The following VCAM1 variants were observed in gnomAD, a reference collection of about 807,000 sequenced individuals.
VCAM1 encodes the protein vascular cell adhesion protein 1.
Under a neutral mutation model 63.8 loss-of-function variants are expected in VCAM1, and 41 were observed. That is an observed-to-expected ratio of 0.64 (90% CI 0.50 to 0.83). The LOEUF (loss-of-function observed/expected upper bound fraction) is 0.83. Among genes scored for constraint, VCAM1 ranks in the 40% least tolerant of loss-of-function variants. The probability of loss-of-function intolerance (pLI) is 0.00; values close to 1 mark genes in which losing one functional copy is unlikely to be tolerated. For synonymous variants in VCAM1, 338 were observed against 320.7 expected (o/e 1.05, Z -0.58); for missense variants, 798 against 875.5 (o/e 0.91, Z 1.12).
chr1:100,738,297 T>C lies in VCAM1; in HGVS notation c.*14T>C, dbSNP rs371541037. 61 of 1,611,160 alleles carry C rather than the reference T, an allele frequency of 3.8e-5. No individual in the cohort carries two copies. The highest frequency in any genetic ancestry group is 4.8e-5 in the Non-Finnish European group (57 of 1,178,364). On this transcript the variant is annotated 3_prime_UTR_variant, in exon 9 of 9. Coordinates refer to ENST00000294728, the MANE Select transcript of VCAM1 (RefSeq NM_001078.4). ...TCAAAAGTGTAGCTAATGCTTGATA[T>C]GTTCAACTGGAGACACTATTTATCT...
chr1:100,732,745 T>G, intron 7 of VCAM1, 61 bp downstream of exon 7: 1 of 1,481,128 alleles, frequency 6.8e-7, no homozygotes, highest in South Asian at 1.5e-5. Flanking sequence ...ATGTTACTGA[T>G]TATGAGTAAA....
intron 4 of VCAM1, 112 bp downstream of exon 4, chr1:100,725,002 C>T: frequency 7.4e-7 from 1 of 1,344,092 alleles, no homozygotes; most frequent in Non-Finnish European, 1.0e-6. Context: ...GATGACCTAT[C>T]TGATTGCCAT....
In VCAM1 at chr1:100,723,055, C is replaced by T. The variant is rs766893022; in HGVS notation, c.376C>T (p.Pro126Ser). ...GGATCCAGAGATTCATTTGAGTGGC[C>T]CTCTGGAGGCTGGGAAGCCGATCAC... is the stretch of plus-strand genomic sequence containing the variant. ...PKDPEIHLSG[P>S]LEAGKPITVK... is the part of the protein sequence containing the mutation. The change falls in exon 3 of 9, where the codon CCT (proline) becomes TCT (serine). Residue 126 changes from proline (P) to serine (S), a missense_variant. Transcript: ENST00000294728. 8 of 1,612,136 alleles carry T rather than the reference C, an allele frequency of 5.0e-6. No individual in the cohort carries two copies. Among genetic ancestry groups the T allele is most frequent in the African/African-American group, 1.3e-5 (1 of 74,792 alleles).
chr1:100,720,690 C>T lies in VCAM1; in HGVS notation c.279C>T (p.Tyr93=). The T allele has an allele frequency of 6.2e-7, 1 of 1,613,152 alleles. No individual in the cohort carries two copies. The highest frequency in any genetic ancestry group is 8.5e-7 in the Non-Finnish European group (1 of 1,179,450). Residue 93 remains tyrosine (Y), a synonymous_variant, in exon 2 of 9, where the codon TAC becomes TAT. Coordinates refer to ENST00000294728, the MANE Select transcript of VCAM1 (RefSeq NM_001078.4). ...TTAGTTTTGGGAACGAACACTCTTA[C>T]CTGTGCACAGCAACTTGTGAATCTA... is the stretch of plus-strand genomic sequence containing the variant. The part of the protein sequence containing the change: ...NPVSFGNEHS[Y]LCTATCESRK...
intron 7 of VCAM1, among the ~76,000 whole-genome samples, chr1:100,733,312 T>A (rs1660530307): frequency 6.6e-6 from 1 of 152,128 alleles, no homozygotes; most frequent in African/African-American, 2.4e-5. Context: ...AATCATCAGG[T>A]GATCAATGTG....
rs750227130 is a variant in VCAM1 at position 100,731,260 on chromosome 1, G to A, written c.1267G>A (p.Val423Ile). 1.9e-6 allele frequency: 3 copies of A among 1,613,660 alleles called. No individual in the cohort carries two copies. The South Asian group carries it at 3.3e-5, about 18-fold the overall frequency. ...CCTCGTGAATGGGAGCTCTGTCACT[G>A]TAAGCTGCAAGGTTCCTAGCGTGTA... ...GGLVNGSSVT[V>I]SCKVPSVYPL... Residue 423 changes from valine (V) to isoleucine (I), a missense_variant, in exon 6 of 9, where the codon GTA becomes ATA. Transcript: ENST00000294728. This position sits in a 1 kb window ranked among gnomAD's most constrained non-coding sequence, Gnocchi z 4.2.
rs1659923521 is a variant in VCAM1 at position 100,720,585 on chromosome 1, T to G, written c.174T>G (p.Ser58=). The change falls in exon 2 of 9, where the codon TCT becomes TCG. Residue 58 remains serine (S), a synonymous_variant. Transcript: ENST00000294728. ...CAGGCTGTGAGTCCCCATTTTTCTC[T>G]TGGAGAACCCAGATAGATAGTCCAC... ...STTGCESPFF[S]WRTQIDSPLN... is the part of the protein sequence containing the mutation. The G allele has an allele frequency of 6.2e-7, 1 of 1,613,110 alleles. No homozygotes were observed. The highest frequency in any genetic ancestry group is 1.3e-5 in the African/African-American group (1 of 74,812).
chr1:100,735,871 A>G (rs1660631234), intron 8 of VCAM1: 1 of 152,204 alleles, frequency 6.6e-6, no homozygotes, highest in Non-Finnish European at 1.5e-5. Context: ...ATGTGTTCAA[A>G]GAAGGGAACA....
rs199894722 is a variant in VCAM1 at position 100,729,087 on chromosome 1, G to A, written c.929-20G>A. 2 of 1,497,096 alleles carry A rather than the reference G, an allele frequency of 1.3e-6. No homozygotes were observed. The highest frequency in any genetic ancestry group is 4.6e-5 in the East Asian group (2 of 43,020). 92.7% of individuals were successfully genotyped at this position (1,497,096 alleles called of 1,614,324 possible). ...AAGAATCTTATGTTCTTTTCATCTT[G>A]TTTTCCACCTGTGTCCCAGAGAAAC... On this transcript the variant is annotated intron_variant, in intron 4 of 8. Coordinates refer to ENST00000294728, the MANE Select transcript of VCAM1 (RefSeq NM_001078.4).
chr1:100,737,202 A>T (rs1314238680), intron 8 of VCAM1: 1 of 152,170 alleles, frequency 6.6e-6, no homozygotes, highest in Non-Finnish European at 1.5e-5. Flanking sequence ...ATTAGTGTTT[A>T]AAAAATATTG....
chr1:100,724,261 A>T (rs1660082900), intron 3 of VCAM1, among the ~76,000 whole-genome samples: 1 of 152,046 alleles, frequency 6.6e-6, no homozygotes, highest in South Asian at 2.1e-4. Context: ...CAAAAATCAA[A>T]TTGACTCTTT....
In VCAM1 at chr1:100,719,786, C is replaced by T. The variant is rs1444489339; in HGVS notation, c.-75C>T. On this transcript the variant is annotated 5_prime_UTR_variant, in exon 1 of 9. Coordinates refer to ENST00000294728, the MANE Select transcript of VCAM1 (RefSeq NM_001078.4). ...TCACTGGCTTCAGGAGCTGAATACC[C>T]TCCCAGGCACACACAGGTGGGACAC... The T allele has an allele frequency of 4.0e-6, 6 of 1,509,872 alleles. No homozygotes were observed. In the African/African-American group the frequency reaches 5.5e-5, roughly 14 times the overall value. 93.5% of individuals were successfully genotyped at this position (1,509,872 alleles called of 1,614,324 possible). A position where few individuals can be genotyped will look rare whatever the true frequency, so the allele number is the denominator to read the frequency against.
chr1:100,737,426 T>C (rs1470285497), intron 8 of VCAM1: 2 of 152,150 alleles, frequency 1.3e-5, no homozygotes, highest in African/African-American at 4.8e-5. Flanking sequence ...TTGAGGTTCT[T>C]AATTTAGAAT....
chr1:100,724,820 T>C lies in VCAM1; in HGVS notation c.858T>C (p.Ser286=). 6.2e-7 allele frequency: 1 copy of C among 1,612,994 alleles called. No homozygotes were observed. The highest frequency in any genetic ancestry group is 8.5e-7 in the Non-Finnish European group (1 of 1,179,378). The part of the protein sequence containing the change: ...LTLIAMRMED[S]GIYVCEGVNL... ...TAATTGCTATGAGGATGGAAGATTC[T>C]GGAATTTATGTGTGTGAAGGAGTTA... Residue 286 remains serine (S), a synonymous_variant, in exon 4 of 9, where the codon TCT becomes TCC. Coordinates refer to ENST00000294728, the MANE Select transcript of VCAM1 (RefSeq NM_001078.4).
Position 100,729,231 on chromosome 1 carries a change from A to G in VCAM1, c.1053A>G (p.Ile351Met). Residue 351 changes from isoleucine to methionine, a missense_variant, in exon 5 of 9, where the codon ATA becomes ATG. Physicochemically the swap from Ile to Met is conservative, Grantham distance 10 (BLOSUM62 1). Coordinates refer to ENST00000294728, the MANE Select transcript of VCAM1 (RefSeq NM_001078.4). ...ESPSFSWRTQIDSPLSGKVRS... is the reference protein window; with the variant it reads ...ESPSFSWRTQMDSPLSGKVRS... ...CATCTTTCTCCTGGAGAACCCAGATAGACAGCCCTCTGAGCGGGAAGGTGA... is the reference window on the plus strand; with the variant it reads ...CATCTTTCTCCTGGAGAACCCAGATGGACAGCCCTCTGAGCGGGAAGGTGA... 2 of 1,613,554 alleles carry G rather than the reference A, an allele frequency of 1.2e-6. No individual in the cohort carries two copies. Among genetic ancestry groups the G allele is most frequent in the South Asian group, 1.1e-5 (1 of 91,038 alleles).
In VCAM1 at chr1:100,726,116, G is replaced by T. The variant is rs146423051; in HGVS notation, c.928+1226G>T. Among the ~76,000 whole-genome samples, 15 of 152,016 alleles carry T rather than the reference G, an allele frequency of 9.9e-5. No homozygotes were observed. The East Asian group carries it at 2.9e-3, about 30-fold the overall frequency. On this transcript the variant is annotated intron_variant, in intron 4 of 8. Transcript: ENST00000294728. ...TCTACTCTCTACTTCTATGACTTTA[G>T]AAGTAGATCCCACATATAAGTGAGA...
At chr1:100,724,592 G>C (rs541204528) in intron 3 of VCAM1, 32 bp from the exon 4 acceptor site, 3 of 1,602,912 alleles carry the variant, frequency 1.9e-6, no homozygotes, top group African/African-American at 2.7e-5. Context: ...ATGATGCTTA[G>C]CAATTGCTAA....
At chr1:100,730,445 A>G (rs1010515783) in intron 5 of VCAM1, among the ~76,000 whole-genome samples, 15 of 152,284 alleles carry the variant, frequency 9.9e-5, no homozygotes, top group South Asian at 2.1e-4. Flanking sequence ...CTTGATAGCT[A>G]TCTTAGTCTC....
chr1:100,722,974 T>C (rs1381224932), intron 2 of VCAM1, 46 bp from the exon 3 acceptor site: 2 of 1,555,140 alleles, frequency 1.3e-6, no homozygotes, highest in East Asian at 2.3e-5. Context: ...AGACCTTATA[T>C]CACATTAGCA....
Sources: allele counts gnomAD v4.1 joint callset (sites outside exome capture counted in the v4.1 genomes callset), GRCh38; gene constraint gnomAD v4.1.1; non-coding constraint Gnocchi (gnomAD v3.1); transcripts MANE v1.5; gene names NCBI Gene and HGNC (gene_info 2026-07-23, HGNC 2026-07-21).